Variants in ARHGAP24 observed in about 807,000 individuals in gnomAD.
ARHGAP24 encodes the protein Rho GTPase activating protein 24, also known as rho GTPase-activating protein 24.
A neutral mutation model predicts 76.4 loss-of-function variants in ARHGAP24; 50 were observed. The observed-to-expected ratio is 0.65, with a 90% confidence interval of 0.52 to 0.83. The LOEUF is 0.83. ARHGAP24 is among the 40% of genes least tolerant of loss of function. ARHGAP24 has a pLI of 0.00. For synonymous variants in ARHGAP24, 345 were observed against 323.3 expected (o/e 1.07, Z -0.72); for missense variants, 930 against 914.2 (o/e 1.02, Z -0.22).
intron 2 of ARHGAP24, among the ~76,000 whole-genome samples, chr4:85,663,561 T>C (rs1421306665): frequency 7.4e-5 from 11 of 148,598 alleles, no homozygotes; most frequent in Admixed American, 7.3e-4. Context: ...CTATGTTGAA[T>C]AGGAGTGGTG....
At chr4:85,654,717 G>A (rs1395248099) in intron 2 of ARHGAP24, among the ~76,000 whole-genome samples, 2 of 128,896 alleles carry the variant, frequency 1.6e-5, no homozygotes, top group Non-Finnish European at 3.2e-5. Context: ...CAGAACGGGA[G>A]TGGGATTGGG....
intron 3 of ARHGAP24, among the ~76,000 whole-genome samples, chr4:85,913,600 G>T (rs750738443): frequency 6.6e-6 from 1 of 151,846 alleles, no homozygotes; most frequent in Non-Finnish European, 1.5e-5. Context: ...GACCTCTCCC[G>T]TAAACTCCAG....
At chr4:85,980,858 G>A (rs1739620186) in intron 8 of ARHGAP24, among the ~76,000 whole-genome samples, 1 of 152,176 alleles carries the variant, frequency 6.6e-6, no homozygotes, top group Non-Finnish European at 1.5e-5. Context: ...TGGTGCTAAA[G>A]CAGTGACGGG....
chr4:85,912,909 A>G (rs913766881), intron 3 of ARHGAP24, among the ~76,000 whole-genome samples: 5 of 151,998 alleles, frequency 3.3e-5, no homozygotes, highest in African/African-American at 1.2e-4. Context: ...GTAAAGTAAC[A>G]TACTTTGGGG....
intron 5 of ARHGAP24, among the ~76,000 whole-genome samples, chr4:85,954,259 A>G (rs1737781890): frequency 6.6e-6 from 1 of 152,194 alleles, no homozygotes; most frequent in Admixed American, 6.5e-5. Flanking sequence ...ATCAATAATA[A>G]CCTACCTTGT....
intron 3 of ARHGAP24, among the ~76,000 whole-genome samples, chr4:85,861,277 G>T (rs74819601): frequency 6.6e-6 from 1 of 151,980 alleles, no homozygotes; most frequent in South Asian, 2.1e-4. Context: ...TTACATTCTG[G>T]TGATCACCCT....
chr4:85,942,812 A>T (rs1221195339), intron 5 of ARHGAP24, among the ~76,000 whole-genome samples: 1 of 151,974 alleles, frequency 6.6e-6, no homozygotes, highest in Non-Finnish European at 1.5e-5. Flanking sequence ...AATATAAAGC[A>T]CTCCTAACTC....
intron 1 of ARHGAP24, among the ~76,000 whole-genome samples, chr4:85,516,875 T>C (rs1724529215): frequency 6.6e-6 from 1 of 152,216 alleles, no homozygotes; most frequent in South Asian, 2.1e-4. Flanking sequence ...CCTGTAATTA[T>C]GTCTCCTGCT....
intron 2 of ARHGAP24, among the ~76,000 whole-genome samples, chr4:85,654,520 T>C (rs534213875): frequency 6.6e-6 from 1 of 152,294 alleles, no homozygotes; most frequent in Non-Finnish European, 1.5e-5. Context: ...ATGACCCCAA[T>C]GAAAAGGTCA....
chr4:85,990,016 C>T (rs114438931), intron 8 of ARHGAP24: 49 of 151,758 alleles, frequency 3.2e-4, no homozygotes, highest in Non-Finnish European at 6.2e-4. Flanking sequence ...TCTCTTTATT[C>T]ACAGTCAACA....
chr4:85,672,797 A>C (rs905368102), intron 2 of ARHGAP24, among the ~76,000 whole-genome samples: 1 of 152,190 alleles, frequency 6.6e-6, no homozygotes, highest in African/African-American at 2.4e-5. Context: ...GAAATGCTGA[A>C]TTCTTGCATT....
chr4:85,633,420 A>G (rs539767453), intron 2 of ARHGAP24, among the ~76,000 whole-genome samples: 1 of 152,048 alleles, frequency 6.6e-6, no homozygotes, highest in East Asian at 1.9e-4. Flanking sequence ...GGTATCTTCC[A>G]TTAGTATAGA....
At chr4:86,000,455 C>G in intron 9 of ARHGAP24, 24 bp from the exon 10 acceptor site, 3 of 633,304 alleles carry the variant, frequency 4.7e-6, no homozygotes, top group Non-Finnish European at 7.6e-6. Context: ...CCCCACCCCC[C>G]ACCCCCCCCA....
At chr4:85,910,713 C>T (rs560292596) in intron 3 of ARHGAP24, among the ~76,000 whole-genome samples, 13 of 152,248 alleles carry the variant, frequency 8.5e-5, no homozygotes, top group East Asian at 5.8e-4. Context: ...ATCATCTGCT[C>T]AGCTCTGGCT....
In ARHGAP24 at chr4:85,706,992, G is replaced by C. The variant is rs547965894; in HGVS notation, c.181-14893G>C. On this transcript the variant is annotated intron_variant, in intron 2 of 9. Coordinates refer to ENST00000395184, the MANE Select transcript of ARHGAP24 (RefSeq NM_001025616.3). Reference sequence around the variant, plus strand: ...TGCAGTCGTGCTATCATAGCTCACTGTAGCCTTGAACTCCTGGGCTAACGT... The same window carrying C: ...TGCAGTCGTGCTATCATAGCTCACTCTAGCCTTGAACTCCTGGGCTAACGT... 7.9e-5 allele frequency among the ~76,000 whole-genome samples: 12 copies of C among 151,722 alleles called. No homozygotes were observed. The South Asian group carries it at 2.5e-3, about 32-fold the overall frequency.
intron 3 of ARHGAP24, among the ~76,000 whole-genome samples, chr4:85,793,841 A>G (rs1728231503): frequency 6.6e-6 from 1 of 152,192 alleles, no homozygotes; most frequent in Non-Finnish European, 1.5e-5. Context: ...ATTATTTGTG[A>G]TTCATTGTAA....
rs550880270 is a variant in ARHGAP24, at chr4:85,495,810, G to A, written c.-21+20251G>A. On this transcript the variant is annotated intron_variant, in intron 1 of 9. Coordinates refer to ENST00000395184, the MANE Select transcript of ARHGAP24 (RefSeq NM_001025616.3). ...GATGCCTACATAGAAGTAGACAGAG[G>A]CATGAGAGTGATTCAGTGCTCAGCT... Among the ~76,000 whole-genome samples, 3 of 152,278 alleles carry A rather than the reference G, an allele frequency of 2.0e-5. No individual in the cohort carries two copies. In the South Asian group the frequency reaches 6.2e-4, roughly 32 times the overall value.
At chr4:85,880,189 A>C (rs1266943861) in intron 3 of ARHGAP24, among the ~76,000 whole-genome samples, 1 of 152,230 alleles carries the variant, frequency 6.6e-6, no homozygotes, top group East Asian at 1.9e-4. Flanking sequence ...ACTGTAATAA[A>C]AGTTATGTGA....
At chr4:85,796,223 C>T (rs948661221) in intron 3 of ARHGAP24, among the ~76,000 whole-genome samples, 2 of 152,122 alleles carry the variant, frequency 1.3e-5, no homozygotes, top group African/African-American at 2.4e-5. Context: ...CACACACTCA[C>T]ACACACATAT....
Sources: gnomAD v4.1 joint callset for allele counts (sites outside exome capture counted in the v4.1 genomes callset) on GRCh38, gnomAD v4.1.1 for gene constraint, MANE v1.5 for transcripts, NCBI Gene and HGNC (gene_info 2026-07-23, HGNC 2026-07-21) for gene names.